The following PDGFRL variants were observed in gnomAD, a reference collection of about 807,000 sequenced individuals.
The protein encoded by PDGFRL is platelet-derived growth factor receptor-like protein.
In PDGFRL, 46 loss-of-function variants were observed where a neutral mutation model predicts 37.2. The observed-to-expected ratio is 1.24, with a 90% confidence interval of 0.98 to 1.58. The LOEUF (loss-of-function observed/expected upper bound fraction) is 1.58. Ranked by LOEUF, PDGFRL falls within the 40% of genes most tolerant of loss-of-function variation. The pLI is 0.00. For missense variants in PDGFRL, 692 were observed against 467.6 expected, an observed-to-expected ratio of 1.48 and a Z score of -4.43; for synonymous variants, 251 against 184.3, an observed-to-expected ratio of 1.36 and a Z score of -2.93.
chr8:17,589,524 A>G lies in PDGFRL; in HGVS notation c.112A>G (p.Ile38Val). ...KRPKEPGENR[I>V]KPTNKKVKPK... ...TCCAAAAGAACCAGGAGAGAATAGA[A>G]TCAAACCTACCAACAAGAAGGTGAA... Residue 38 changes from isoleucine (I) to valine (V), a missense_variant, in exon 2 of 6, where the codon ATC (isoleucine) becomes GTC (valine). By Grantham distance (29) the Ile-to-Val change is conservative. Transcript: ENST00000251630. 1 of 1,614,032 alleles carries G rather than the reference A, an allele frequency of 6.2e-7. No homozygotes were observed. Among genetic ancestry groups the G allele is most frequent in the Non-Finnish European group, 8.5e-7 (1 of 1,179,850 alleles).
chr8:17,596,852 T>C (rs1804063735), intron 2 of PDGFRL, among the ~76,000 whole-genome samples: 1 of 152,204 alleles, frequency 6.6e-6, no homozygotes, highest in African/African-American at 2.4e-5. Flanking sequence ...CACCAGAGAT[T>C]CAAGAAACGG....
intron 2 of PDGFRL, among the ~76,000 whole-genome samples, chr8:17,594,512 G>A (rs1804010403): frequency 6.6e-6 from 1 of 151,422 alleles, no homozygotes; most frequent in Non-Finnish European, 1.5e-5. Context: ...TAAGTGCTGG[G>A]ATTCCAGGTG....
At chr8:17,620,267 T>C (rs1281249677) in intron 2 of PDGFRL, among the ~76,000 whole-genome samples, 1 of 152,234 alleles carries the variant, frequency 6.6e-6, no homozygotes, top group African/African-American at 2.4e-5. Flanking sequence ...ACACATTCTT[T>C]TTTTTGAAAT....
chr8:17,578,013 G>T (rs1264153812), intron 1 of PDGFRL, among the ~76,000 whole-genome samples: 1 of 151,792 alleles, frequency 6.6e-6, no homozygotes, highest in Non-Finnish European at 1.5e-5. Flanking sequence ...CCACCCTGTC[G>T]TGTACACCCG....
chr8:17,576,748 A>G, upstream of PDGFRL: 1 of 965,494 alleles, frequency 1.0e-6, no homozygotes, highest in Non-Finnish European at 1.2e-6. Flanking sequence ...AACCCGGGGC[A>G]ACGGTCCTGT....
At chr8:17,588,044 C>T (rs1285080466) in intron 1 of PDGFRL, among the ~76,000 whole-genome samples, 1 of 152,092 alleles carries the variant, frequency 6.6e-6, no homozygotes, top group African/African-American at 2.4e-5. Context: ...GGGCACTCTT[C>T]CCTGGATGCA....
intron 1 of PDGFRL, among the ~76,000 whole-genome samples, chr8:17,583,471 TTTGAG>T (rs558645713): frequency 4.2e-4 from 64 of 152,266 alleles, no homozygotes; most frequent in African/African-American, 1.4e-3. Context: ...ACTTTGGACT[TTTGAG>T]TTGATGCTGG....
intron 2 of PDGFRL, among the ~76,000 whole-genome samples, chr8:17,619,943 A>G (rs1215367958): frequency 6.6e-6 from 1 of 152,140 alleles, no homozygotes; most frequent in Non-Finnish European, 1.5e-5. Flanking sequence ...TGCTTCCCCC[A>G]CACACCCATT....
intron 4 of PDGFRL, 48 bp from the exon 5 acceptor site, chr8:17,634,026 A>G (rs751863549): frequency 5.2e-5 from 83 of 1,599,316 alleles, no homozygotes; most frequent in Non-Finnish European, 6.8e-5. Context: ...GTTTGTTTTC[A>G]AGGTTACACT....
chr8:17,618,127 T>C (rs1804564259), intron 2 of PDGFRL, among the ~76,000 whole-genome samples: 1 of 152,134 alleles, frequency 6.6e-6, no homozygotes, highest in Admixed American at 6.5e-5. Flanking sequence ...GTGGGAATCA[T>C]AGCTCATTGC....
At chr8:17,623,873 C>A (rs367722884) in intron 3 of PDGFRL, among the ~76,000 whole-genome samples, 6 of 142,004 alleles carry the variant, frequency 4.2e-5, no homozygotes, top group African/African-American at 7.9e-5. Flanking sequence ...GACTTTACCT[C>A]AAAAAAAAAA....
Position 17,577,318 on chromosome 8 carries a change from C to G in PDGFRL, c.55+11C>G. 8.7e-6 allele frequency: 14 copies of G among 1,610,078 alleles called. No individual in the cohort carries two copies. Among genetic ancestry groups the G allele is most frequent in the East Asian group, 2.2e-5 (1 of 44,714 alleles). On this transcript the variant is annotated intron_variant, in intron 1 of 5. Transcript: ENST00000251630. ...AAGCGCTGGAGGATGGTGAGTGACT[C>G]TGGGCGCGGGGCCACCTAGCTTGTG... is the stretch of plus-strand genomic sequence containing the variant.
At chr8:17,578,331 C>G (rs1425300574) in intron 1 of PDGFRL, among the ~76,000 whole-genome samples, 1 of 152,186 alleles carries the variant, frequency 6.6e-6, no homozygotes, top group Non-Finnish European at 1.5e-5. Context: ...TGACCAGTTC[C>G]TTTCTTTCCT....
intron 2 of PDGFRL, among the ~76,000 whole-genome samples, chr8:17,619,055 C>A (rs748694303): frequency 6.6e-6 from 1 of 152,144 alleles, no homozygotes; most frequent in African/African-American, 2.4e-5. Context: ...AACAGGGCTG[C>A]GTTCAGGACC....
At chr8:17,596,305 C>T in intron 2 of PDGFRL, 1 of 1,202,202 alleles carries the variant, frequency 8.3e-7, no homozygotes, top group Non-Finnish European at 1.0e-6. Context: ...GGCTGCCAGG[C>T]TGCTCACAGG....
At chr8:17,635,444 T>G (rs2129835489) in intron 5 of PDGFRL, among the ~76,000 whole-genome samples, 1 of 152,350 alleles carries the variant, frequency 6.6e-6, no homozygotes, top group Non-Finnish European at 1.5e-5. Context: ...TCCAGGTTGC[T>G]GCAAATGCCA....
chr8:17,642,480 A>G, intron 5 of PDGFRL, 133 bp from the exon 6 acceptor site: 1 of 654,094 alleles, frequency 1.5e-6, no homozygotes. Context: ...CTTATGAGCT[A>G]CGCATACTAA....
intron 5 of PDGFRL, among the ~76,000 whole-genome samples, chr8:17,639,032 G>A (rs1805038715): frequency 6.6e-6 from 1 of 151,498 alleles, no homozygotes; most frequent in South Asian, 2.1e-4. Context: ...CTGGCCGACA[G>A]AGTGAGACTC....
chr8:17,613,060 T>C (rs192498050), intron 2 of PDGFRL, among the ~76,000 whole-genome samples: 1 of 152,228 alleles, frequency 6.6e-6, no homozygotes, highest in African/African-American at 2.4e-5. Context: ...TGTAATACTG[T>C]AGTAGGTTTA....
Sources: gnomAD v4.1 joint callset for allele counts (sites outside exome capture counted in the v4.1 genomes callset) on GRCh38, gnomAD v4.1.1 for gene constraint, MANE v1.5 for transcripts, NCBI Gene and HGNC (gene_info 2026-07-23, HGNC 2026-07-21) for gene names.